Variants in LMBRD2 observed in about 807,000 individuals in gnomAD.
LMBRD2 encodes the protein LMBR1 domain containing 2.
LMBRD2 carries 55 observed loss-of-function variants against 94.4 expected under a neutral mutation model. The ratio of observed to expected loss-of-function variants is 0.58; its 90% confidence interval spans 0.47 to 0.73. LMBRD2 has a LOEUF of 0.73. LMBRD2 is among the 30% of genes least tolerant of loss of function. The pLI, the probability that LMBRD2 is intolerant of heterozygous loss-of-function variation, is 0.00. For synonymous variants in LMBRD2, 246 were observed against 272.4 expected, an observed-to-expected ratio of 0.90 and a Z score of 0.95; for missense variants, 640 against 831.9, an observed-to-expected ratio of 0.77 and a Z score of 2.84.
At chr5:36,140,832 A>G (rs1012840367) in intron 4 of LMBRD2, among the ~76,000 whole-genome samples, 1 of 152,242 alleles carries the variant, frequency 6.6e-6, no homozygotes, top group Non-Finnish European at 1.5e-5. Context: ...TGAATTTAAT[A>G]GACATGACTT....
chr5:36,142,373 G>A, intron 3 of LMBRD2, 129 bp downstream of exon 3: 2 of 533,624 alleles, frequency 3.7e-6, no homozygotes, highest in Non-Finnish European at 6.6e-6. Context: ...GGAAAGAATA[G>A]AGGTGGGGAG....
At chr5:36,120,008 T>A (rs1743849017) in intron 9 of LMBRD2, among the ~76,000 whole-genome samples, 1 of 149,318 alleles carries the variant, frequency 6.7e-6, no homozygotes, top group Non-Finnish European at 1.5e-5. Flanking sequence ...TCTCTTTCTT[T>A]CTTTCTCTCT....
intron 1 of LMBRD2, among the ~76,000 whole-genome samples, chr5:36,146,449 T>C (rs1250062314): frequency 6.6e-6 from 1 of 152,152 alleles, no homozygotes; most frequent in Non-Finnish European, 1.5e-5. Context: ...TGGCTCAACA[T>C]AACCTTGAGC....
chr5:36,109,879 G>A (rs1471976748), intron 15 of LMBRD2, 66 bp downstream of exon 15: 12 of 1,168,330 alleles, frequency 1.0e-5, no homozygotes, highest in Non-Finnish European at 1.5e-5. Flanking sequence ...TTCCAAATTA[G>A]TAAGATTCTT....
chr5:36,142,672 A>G, intron 2 of LMBRD2, 73 bp from the exon 3 acceptor site: 1 of 832,756 alleles, frequency 1.2e-6, no homozygotes. Context: ...ATCAGAGTTT[A>G]TAAATCTATC....
chr5:36,126,956 GTTA>G (rs1283659716), intron 6 of LMBRD2, among the ~76,000 whole-genome samples: 2 of 152,192 alleles, frequency 1.3e-5, no homozygotes, highest in Non-Finnish European at 2.9e-5. Context: ...TGCCCAGAAT[GTTA>G]TCAGCTATCA....
rs978448023 is a variant in LMBRD2 at position 36,116,926 on chromosome 5, C to T, written c.1303-333G>A. ...CCTGATCTCATGATCCATTCGCCTT[C>T]GCCTCCCAAAGAGCTGGGATTACAG... On this transcript the variant is annotated intron_variant, in intron 10 of 17. Transcript: ENST00000296603. 8.6e-5 allele frequency among the ~76,000 whole-genome samples: 13 copies of T among 151,894 alleles called. No individual in the cohort carries two copies. The South Asian group carries it at 1.9e-3, about 22-fold the overall frequency.
chr5:36,116,639 T>C, intron 10 of LMBRD2, 46 bp from the exon 11 acceptor site: 2 of 1,577,502 alleles, frequency 1.3e-6, no homozygotes, highest in Non-Finnish European at 1.7e-6. Flanking sequence ...ACAAACAGAC[T>C]TTAGCACTTA....
In LMBRD2 at chr5:36,132,314, T is replaced by A. The variant is rs1242304511; in HGVS notation, c.747+3995A>T. On this transcript the variant is annotated intron_variant, in intron 6 of 17. Coordinates refer to ENST00000296603, the MANE Select transcript of LMBRD2 (RefSeq NM_001007527.2). ...CCCATATATAAAAATCAAATCAAAATGATTTAAAGACTTAAATCTAATAAC... is the reference window on the plus strand; with the variant it reads ...CCCATATATAAAAATCAAATCAAAAAGATTTAAAGACTTAAATCTAATAAC... Among the ~76,000 whole-genome samples the A allele has an allele frequency of 3.3e-5, 5 of 152,058 alleles. No individual in the cohort carries two copies. The South Asian group carries it at 1.0e-3, about 31-fold the overall frequency.
At chr5:36,112,613 A>C (rs1743638714) in intron 13 of LMBRD2, among the ~76,000 whole-genome samples, 1 of 152,156 alleles carries the variant, frequency 6.6e-6, no homozygotes, top group South Asian at 2.1e-4. Context: ...TTAAAGATAA[A>C]ATGGCACTCA....
rs2111826057 is a variant in LMBRD2, at chr5:36,098,968, A to G, written c.*5078T>C. ...ATTTTGAAAAATTATGATCATATGCACATTTGAAAAGATTAATTTTCTATT... is the reference window on the plus strand; with the variant it reads ...ATTTTGAAAAATTATGATCATATGCGCATTTGAAAAGATTAATTTTCTATT... On this transcript the variant is annotated 3_prime_UTR_variant, in exon 18 of 18. Transcript: ENST00000296603. The G allele has an allele frequency of 6.6e-6, 1 of 152,274 alleles. No individual in the cohort carries two copies. The highest frequency in any genetic ancestry group is 1.9e-4 in the East Asian group (1 of 5,188). 9.4% of individuals were successfully genotyped at this position (152,274 alleles called of 1,614,324 possible).
At chr5:36,142,476 T>C (rs1579528206) in intron 3 of LMBRD2, 26 bp downstream of exon 3, 1 of 1,309,556 alleles carries the variant, frequency 7.6e-7, no homozygotes, top group South Asian at 1.2e-5. Context: ...ACAATGTTTA[T>C]ATATTTTTTT....
chr5:36,110,519 G>A (rs755713770), intron 14 of LMBRD2, among the ~76,000 whole-genome samples: 5 of 151,970 alleles, frequency 3.3e-5, no homozygotes, highest in Admixed American at 1.3e-4. Flanking sequence ...AGGAGAGCAC[G>A]TGAAGGCTAC....
intron 6 of LMBRD2, among the ~76,000 whole-genome samples, chr5:36,129,550 C>T (rs1744084419): frequency 6.6e-6 from 1 of 151,940 alleles, no homozygotes; most frequent in African/African-American, 2.4e-5. Flanking sequence ...ATAAACGTTT[C>T]CAGACAAACA....
chr5:36,138,972 C>CGGG (rs1744338136), intron 4 of LMBRD2, among the ~76,000 whole-genome samples: 1 of 152,098 alleles, frequency 6.6e-6, no homozygotes, highest in Non-Finnish European at 1.5e-5. Context: ...GGGGGACTGG[C>CGGG]GGGGACTGTG....
At chr5:36,140,189 C>T (rs1744369757) in intron 4 of LMBRD2, among the ~76,000 whole-genome samples, 1 of 152,190 alleles carries the variant, frequency 6.6e-6, no homozygotes, top group African/African-American at 2.4e-5. Flanking sequence ...GCATCTGACC[C>T]AGCCACAGGC....
intron 6 of LMBRD2, among the ~76,000 whole-genome samples, chr5:36,130,191 A>T (rs939724241): frequency 2.0e-5 from 3 of 152,302 alleles, no homozygotes; most frequent in African/African-American, 2.4e-5. Context: ...TATAATAATA[A>T]TAAAATAAAA....
intron 15 of LMBRD2, 35 bp downstream of exon 15, chr5:36,109,909 TA>T (rs1419453926): frequency 1.4e-6 from 2 of 1,444,050 alleles, no homozygotes; most frequent in Non-Finnish European, 1.9e-6. Context: ...AATTTCAAAT[TA>T]ATCTTCAGAT....
Position 36,100,975 on chromosome 5 carries a change from G to A in LMBRD2, c.*3071C>T, listed in dbSNP as rs1472870638. The A allele has an allele frequency of 6.6e-6, 1 of 151,928 alleles. No homozygotes were observed. Among genetic ancestry groups the A allele is most frequent in the Non-Finnish European group, 1.5e-5 (1 of 67,904 alleles). The allele number at this position is 151,928 out of a possible 1,614,324, so 9.4% of individuals were successfully genotyped here. On this transcript the variant is annotated 3_prime_UTR_variant, in exon 18 of 18. Transcript: ENST00000296603. ...TACATGCAGCTTAAATTTCAGAACT[G>A]ATCATCTAATCAAATAGTAGTCCAA...
Sources: gnomAD v4.1 joint callset for allele counts (sites outside exome capture counted in the v4.1 genomes callset) on GRCh38, gnomAD v4.1.1 for gene constraint, MANE v1.5 for transcripts, NCBI Gene and HGNC (gene_info 2026-07-23, HGNC 2026-07-21) for gene names.